The following KMT2B variants were observed in gnomAD, a reference collection of about 807,000 sequenced individuals.
KMT2B encodes lysine methyltransferase 2B, also known as histone-lysine N-methyltransferase 2B.
Under a neutral mutation model 255.3 loss-of-function variants are expected in KMT2B, and 22 were observed. That is an observed-to-expected ratio of 0.09 (90% CI 0.06 to 0.12). The LOEUF is 0.12. KMT2B is among the 10% of genes least tolerant of loss of function. The pLI is 1.00. For synonymous variants in KMT2B, 1,730 were observed against 1,498.1 expected (o/e 1.15, Z -3.57); for missense variants, 3,149 against 3,737.0 (o/e 0.84, Z 4.10).
chr19:35,721,444 C>T lies in KMT2B; in HGVS notation c.2097C>T (p.Thr699=). ...CTGAGCCTCGGGCAGTGGGCCGCAC[C>T]AACCACCTCAGCCTGCCTCGATTCG... ...AEPEPRAVGR[T]NHLSLPRFAP... Residue 699 remains threonine, a synonymous_variant, in exon 3 of 37, where the codon ACC becomes ACT. Transcript: ENST00000420124. 6.2e-7 allele frequency: 1 copy of T among 1,612,594 alleles called. No homozygotes were observed. The highest frequency in any genetic ancestry group is 2.2e-5 in the East Asian group (1 of 44,860).
rs1969261603 is a variant in KMT2B at position 35,722,524 on chromosome 19, G to T, written c.2572-44G>T. 3.8e-6 allele frequency: 6 copies of T among 1,592,590 alleles called. No individual in the cohort carries two copies. The South Asian group carries it at 5.6e-5, about 15-fold the overall frequency. On this transcript the variant is annotated intron_variant, in intron 4 of 36. Transcript: ENST00000420124. The stretch of plus-strand genomic sequence containing the variant: ...GAAGACTGGCGGGAGGAGTGGGGCT[G>T]CGGGAGCGCAAGCTGCCCACACACA...
At position 35,729,164 on chromosome 19, in the gene KMT2B, G is replaced by A. The variant is rs190936695; in HGVS notation, c.4785G>A (p.Ala1595=). Residue 1595 remains alanine, a synonymous_variant, in exon 22 of 37, where the codon GCG becomes GCA. Transcript: ENST00000420124. ...LKYGDADSKE[A]GRLLYIGQNE... ...CCACTCCTCTTCTGCCCCAGGAGGCGGGGCGGCTCTTGTACATCGGGCAGA... is the reference window on the plus strand; with the variant it reads ...CCACTCCTCTTCTGCCCCAGGAGGCAGGGCGGCTCTTGTACATCGGGCAGA... 141 of 1,613,716 alleles carry A rather than the reference G, an allele frequency of 8.7e-5. 1 individual carries two copies. The East Asian group carries it at 2.4e-3, about 27-fold the overall frequency.
chr19:35,726,657 C>G (rs1969462812), intron 14 of KMT2B, among the ~76,000 whole-genome samples: 1 of 152,154 alleles, frequency 6.6e-6, no homozygotes, highest in Non-Finnish European at 1.5e-5. Flanking sequence ...AGTACATTAG[C>G]AAGGCCCTGT....
In KMT2B at chr19:35,737,424, G is replaced by T. The variant is rs1034528987; in HGVS notation, c.7550+161G>T. The T allele has an allele frequency of 1.1e-6, 1 of 903,370 alleles. No individual in the cohort carries two copies. Among genetic ancestry groups the T allele is most frequent in the East Asian group, 2.7e-5 (1 of 37,182 alleles). The allele number at this position is 903,370 out of a possible 1,614,324, so 56.0% of individuals were successfully genotyped here. On this transcript the variant is annotated intron_variant, in intron 33 of 36. Coordinates refer to ENST00000420124, the MANE Select transcript of KMT2B (RefSeq NM_014727.3). This position sits in a 1 kb window ranked among gnomAD's most constrained non-coding sequence, Gnocchi z 5.3. ...TAGCCAGGCTCCGTGGCTCATGCCT[G>T]TAATCCCGCCACTTTGGGAGGCCGA... is the stretch of plus-strand genomic sequence containing the variant.
chr19:35,720,407 T>C lies in KMT2B; in HGVS notation c.1060T>C (p.Trp354Arg). ...VGSGQGGSPCWKKQEQKLDDE... is the reference protein window; with the variant it reads ...VGSGQGGSPCRKKQEQKLDDE... ...ATCTGGACAGGGAGGGAGCCCTTGC[T>C]GGAAAAAGCAGGAACAGAAGCTGGA... is the stretch of plus-strand genomic sequence containing the variant. Residue 354 changes from tryptophan (W) to arginine (R), a missense_variant, in exon 3 of 37, where the codon TGG becomes CGG. Trp to Arg is a moderately radical substitution (Grantham distance 101, BLOSUM62 -3). Around this residue, in one of 18 missense-constraint regions of KMT2B, gnomAD observed 1,188 missense variants for 1,106.4 expected, o/e 1.07. Coordinates refer to ENST00000420124, the MANE Select transcript of KMT2B (RefSeq NM_014727.3). 1 of 1,568,832 alleles carries C rather than the reference T, an allele frequency of 6.4e-7. No homozygotes were observed. Among genetic ancestry groups the C allele is most frequent in the South Asian group, 1.2e-5 (1 of 85,546 alleles).
chr19:35,732,740 T>A lies in KMT2B; in HGVS notation c.6191T>A (p.Val2064Glu). The A allele has an allele frequency of 6.2e-7, 1 of 1,610,608 alleles. No individual in the cohort carries two copies. The highest frequency in any genetic ancestry group is 8.5e-7 in the Non-Finnish European group (1 of 1,178,852). Residue 2064 changes from valine to glutamate, a missense_variant, in exon 28 of 37, where the codon GTG becomes GAG. Coordinates refer to ENST00000420124, the MANE Select transcript of KMT2B (RefSeq NM_014727.3). Reference sequence around the variant, plus strand: ...CCCCGCATTGAACAGCTGGACGGCGTGGACGACGGCACTGACAGTGAGGCT... The same window carrying A: ...CCCCGCATTGAACAGCTGGACGGCGAGGACGACGGCACTGACAGTGAGGCT... ...GAPRIEQLDG[V>E]DDGTDSEAEA...
Position 35,719,531 on chromosome 19 carries a change from A to T in KMT2B, c.426A>T (p.Arg142=). Residue 142 remains arginine (R), a synonymous_variant, in exon 2 of 37, where the codon CGA becomes CGT. Transcript: ENST00000420124. ...VAPSSLRSAL[R]SQRGRAPRGR... ...CCAGTTCCCTGCGCTCTGCGCTCCG[A>T]TCCCAGCGAGGTGAGTGACGGGGGA... The T allele has an allele frequency of 6.3e-7, 1 of 1,589,992 alleles. No individual in the cohort carries two copies. The highest frequency in any genetic ancestry group is 8.6e-7 in the Non-Finnish European group (1 of 1,168,320).
At position 35,720,200 on chromosome 19, in the gene KMT2B, T is replaced by A; in HGVS notation, c.853T>A (p.Ser285Thr). The stretch of plus-strand genomic sequence containing the variant: ...TGGGACCCCCAGGCGTGGAGGACAG[T>A]CAAGCCGTGGAGGCCGTGGAGGCAG... ...GPGTPRRGGQ[S>T]SRGGRGGRGR... The change falls in exon 3 of 37, where the codon TCA becomes ACA. Residue 285 changes from serine (S) to threonine (T), a missense_variant. Physicochemically the swap from Ser to Thr is moderately conservative, Grantham distance 58. Transcript: ENST00000420124. 1.2e-6 allele frequency: 2 copies of A among 1,608,384 alleles called. No homozygotes were observed. The highest frequency in any genetic ancestry group is 1.7e-6 in the Non-Finnish European group (2 of 1,177,720).
At chr19:35,729,610 C>T (rs1010807824) in intron 22 of KMT2B, among the ~76,000 whole-genome samples, 1 of 152,198 alleles carries the variant, frequency 6.6e-6, no homozygotes, top group Non-Finnish European at 1.5e-5. Flanking sequence ...TTCCCCCACT[C>T]CTCACAGTGG....
chr19:35,724,113 G>C, intron 8 of KMT2B, 106 bp downstream of exon 8: 1 of 1,154,074 alleles, frequency 8.7e-7, no homozygotes, highest in East Asian at 2.5e-5. Context: ...GTCTGATAGA[G>C]AAGGTGGCTG....
In KMT2B at chr19:35,720,898, C is replaced by T; in HGVS notation, c.1551C>T (p.Ser517=). The change falls in exon 3 of 37, where the codon AGC becomes AGT. Residue 517 remains serine (S), a synonymous_variant. Coordinates refer to ENST00000420124, the MANE Select transcript of KMT2B (RefSeq NM_014727.3). ...PEDSPTVAPK[S]TTFLKNIRQF... is the part of the protein sequence containing the mutation. ...ACAGTCCCACCGTGGCCCCCAAAAG[C>T]ACCACCTTCCTGAAGAATATCCGGC... 2 of 1,605,142 alleles carry T rather than the reference C, an allele frequency of 1.2e-6. No individual in the cohort carries two copies. The highest frequency in any genetic ancestry group is 1.7e-6 in the Non-Finnish European group (2 of 1,176,530).
At position 35,725,675 on chromosome 19, in the gene KMT2B, C is replaced by G. The variant is rs1280578730; in HGVS notation, c.3790-48C>G. Reference sequence around the variant, plus strand: ...GTGGGTGGAGGCCTGAAGGTGAGGGCATCCCTGTGCCAGCAGGTTTCGCCA... The same window carrying G: ...GTGGGTGGAGGCCTGAAGGTGAGGGGATCCCTGTGCCAGCAGGTTTCGCCA... On this transcript the variant is annotated intron_variant, in intron 12 of 36. Transcript: ENST00000420124. This position sits in a 1 kb window ranked among gnomAD's most constrained non-coding sequence, Gnocchi z 4.1. The G allele has an allele frequency of 6.2e-7, 1 of 1,612,936 alleles. No homozygotes were observed. Among genetic ancestry groups the G allele is most frequent in the East Asian group, 2.2e-5 (1 of 44,874 alleles).
chr19:35,738,444 C>T lies in KMT2B; in HGVS notation c.8035C>T (p.Arg2679Cys), dbSNP rs1970006375. The change falls in exon 37 of 37, where the codon CGC becomes TGC. Residue 2679 changes from arginine (R) to cysteine (C), a missense_variant. Arg to Cys is a radical substitution (Grantham distance 180). Transcript: ENST00000420124. This position sits in a 1 kb window ranked among gnomAD's most constrained non-coding sequence, Gnocchi z 8.7. ...ACACATTGTTATCTTCGCCCTGCGCCGCATCCTGCGTGGTGAGGAGCTCAC... is the reference window on the plus strand; with the variant it reads ...ACACATTGTTATCTTCGCCCTGCGCTGCATCCTGCGTGGTGAGGAGCTCAC... ...QKHIVIFALR[R>C]ILRGEELTYD... The T allele has an allele frequency of 1.2e-6, 2 of 1,614,110 alleles. No homozygotes were observed. Among genetic ancestry groups the T allele is most frequent in the South Asian group, 1.1e-5 (1 of 91,078 alleles).
intron 23 of KMT2B, 75 bp from the exon 24 acceptor site, chr19:35,730,267 C>T (rs1338753707): frequency 3.1e-6 from 5 of 1,602,616 alleles, no homozygotes; most frequent in Middle Eastern, 1.7e-4. Flanking sequence ...GGCCAAGCCC[C>T]TGACTGTTCA....
In KMT2B at chr19:35,725,199, C is replaced by G. The variant is rs766403746; in HGVS notation, c.3529-21C>G. On this transcript the variant is annotated intron_variant, in intron 10 of 36. Coordinates refer to ENST00000420124, the MANE Select transcript of KMT2B (RefSeq NM_014727.3). The surrounding 1 kb of genome is among the most constrained non-coding windows in gnomAD (Gnocchi z 4.1). ...TTGTATGCCTGGCGGCCCTCTGATC[C>G]TGCATCCTCTCTTCCCCCAGGAGGA... The G allele has an allele frequency of 1.2e-6, 2 of 1,607,520 alleles. No individual in the cohort carries two copies. The highest frequency in any genetic ancestry group is 1.7e-6 in the Non-Finnish European group (2 of 1,174,810).
chr19:35,727,143 T>C lies in KMT2B; in HGVS notation c.4004-13T>C. The C allele has an allele frequency of 1.3e-6, 2 of 1,594,670 alleles. No homozygotes were observed. The highest frequency in any genetic ancestry group is 1.7e-6 in the Non-Finnish European group (2 of 1,167,036). On this transcript the variant is annotated splice_polypyrimidine_tract_variant and intron_variant, in intron 14 of 36. Transcript: ENST00000420124. This position sits in a 1 kb window ranked among gnomAD's most constrained non-coding sequence, Gnocchi z 4.2. The stretch of plus-strand genomic sequence containing the variant: ...CTCCAGCACCTCTGACTCCTTCTCT[T>C]CCCTTTCTCTAGGAAACTACTGCCC...
At chr19:35,731,721 G>A (rs765747514) in intron 26 of KMT2B, among the ~76,000 whole-genome samples, 187 bp from the exon 27 acceptor site, 4 of 152,084 alleles carry the variant, frequency 2.6e-5, no homozygotes, top group Non-Finnish European at 5.9e-5. Context: ...AGGCCCCCTG[G>A]CCCAGGTGTG....
Position 35,736,949 on chromosome 19 carries a change from C to T in KMT2B, c.7335C>T (p.Ala2445=). The T allele has an allele frequency of 6.2e-7, 1 of 1,613,906 alleles. No individual in the cohort carries two copies. Among genetic ancestry groups the T allele is most frequent in the Non-Finnish European group, 8.5e-7 (1 of 1,179,876 alleles). ...WRTLIEKVQE[A]RGHARLRHLS... ...CTCTGATCGAGAAAGTGCAAGAGGC[C>T]CGAGGGCATGCCCGACTCAGACATC... The change falls in exon 32 of 37, where the codon GCC becomes GCT. Residue 2445 remains alanine (A), a synonymous_variant. Coordinates refer to ENST00000420124, the MANE Select transcript of KMT2B (RefSeq NM_014727.3).
Position 35,733,423 on chromosome 19 carries a change from C to T in KMT2B, c.6874C>T (p.Pro2292Ser), listed in dbSNP as rs774929034. ...STFSGRSPPA[P>S]PPYKAPRLDE... is the part of the protein sequence containing the mutation. ...TTTCTCCGGCCGGTCCCCGCCAGCA[C>T]CTCCCCCATACAAAGCCCCCCGGCT... is the stretch of plus-strand genomic sequence containing the variant. The change falls in exon 28 of 37, where the codon CCT becomes TCT. Residue 2292 changes from proline to serine, a missense_variant. Physicochemically the swap from Pro to Ser is moderately conservative, Grantham distance 74 (BLOSUM62 -1). This residue lies in a region of KMT2B where 897 missense variants were observed against 825.3 expected (regional missense o/e 1.09). Transcript: ENST00000420124. The surrounding 1 kb of genome is among the most constrained non-coding windows in gnomAD (Gnocchi z 4.3). 5.8e-6 allele frequency: 9 copies of T among 1,554,572 alleles called. No individual in the cohort carries two copies. In the South Asian group the frequency reaches 7.1e-5, roughly 12 times the overall value.
Sources: gnomAD v4.1 joint callset for allele counts (sites outside exome capture counted in the v4.1 genomes callset) on GRCh38, gnomAD v4.1.1 for gene constraint, gnomAD v4.1.1 regional missense constraint, Gnocchi (gnomAD v3.1) non-coding constraint, MANE v1.5 for transcripts, NCBI Gene and HGNC (gene_info 2026-07-23, HGNC 2026-07-21) for gene names.